Variants in YEATS2 observed in about 807,000 individuals in gnomAD.
YEATS2 encodes the protein YEATS domain containing 2, also known as YEATS domain-containing protein 2.
In YEATS2, 77 loss-of-function variants were observed where a neutral mutation model predicts 163.2. That is an observed-to-expected ratio of 0.47 (90% CI 0.39 to 0.57). YEATS2 has a LOEUF of 0.57. YEATS2 is among the 20% of genes least tolerant of loss of function. YEATS2 has a pLI of 0.00. For missense variants in YEATS2, 1,549 were observed against 1,729.8 expected (o/e 0.90, Z 1.85); for synonymous variants, 631 against 645.1 (o/e 0.98, Z 0.33).
chr3:183,777,435 C>A, intron 18 of YEATS2, 107 bp from the exon 19 acceptor site: 3 of 1,184,062 alleles, frequency 2.5e-6, no homozygotes, highest in Non-Finnish European at 3.6e-6. Context: ...AAGGGGAGAG[C>A]GTTGTAGCTT....
At chr3:183,712,093 C>T (rs1455025751) in intron 1 of YEATS2, among the ~76,000 whole-genome samples, 2 of 151,794 alleles carry the variant, frequency 1.3e-5, no homozygotes, top group Admixed American at 1.3e-4. Flanking sequence ...GCTGGGATTA[C>T]AGGCATGAGC....
At chr3:183,723,113 G>A (rs892073242) in intron 5 of YEATS2, among the ~76,000 whole-genome samples, 3 of 152,178 alleles carry the variant, frequency 2.0e-5, no homozygotes, top group Non-Finnish European at 4.4e-5. Flanking sequence ...GAGAGCAGCC[G>A]TTCTTCAACG....
chr3:183,779,351 T>C (rs1723330120), intron 19 of YEATS2, among the ~76,000 whole-genome samples: 1 of 152,258 alleles, frequency 6.6e-6, no homozygotes, highest in African/African-American at 2.4e-5. Flanking sequence ...TCCTTACCCA[T>C]GTTAAACAGA....
At chr3:183,773,827 T>G (rs1722713320) in intron 17 of YEATS2, 33 bp downstream of exon 17, 4 of 1,580,920 alleles carry the variant, frequency 2.5e-6, no homozygotes, top group Non-Finnish European at 3.4e-6. Flanking sequence ...ATCATTTGGT[T>G]CTTGGTTCTC....
At chr3:183,768,019 T>C (rs916661608) in intron 15 of YEATS2, among the ~76,000 whole-genome samples, 2 of 152,242 alleles carry the variant, frequency 1.3e-5, no homozygotes, top group Non-Finnish European at 2.9e-5. Flanking sequence ...TTCTGTGTAA[T>C]TTAACTTGTG....
intron 21 of YEATS2, chr3:183,793,422 T>C: frequency 9.9e-7 from 1 of 1,014,252 alleles, no homozygotes. Flanking sequence ...CTAACTGTTT[T>C]ATTTGAGGCC....
chr3:183,760,406 C>T (rs1343964497), intron 13 of YEATS2, among the ~76,000 whole-genome samples: 1 of 148,140 alleles, frequency 6.8e-6, no homozygotes, highest in African/African-American at 2.5e-5. Flanking sequence ...ACTGCAACCT[C>T]CTGCCTCCTG....
intron 9 of YEATS2, among the ~76,000 whole-genome samples, chr3:183,750,962 G>A (rs927905984): frequency 7.9e-5 from 12 of 152,070 alleles, no homozygotes; most frequent in Admixed American, 4.6e-4. Flanking sequence ...TTGATGTCCC[G>A]TTTGTCTATT....
intron 5 of YEATS2, 123 bp downstream of exon 5, chr3:183,722,259 T>A (rs1204380533): frequency 9.4e-7 from 1 of 1,062,320 alleles, no homozygotes; most frequent in African/African-American, 1.8e-5. Context: ...GTTTTCCTTT[T>A]ATAATGGGGA....
intron 25 of YEATS2, chr3:183,802,544 C>CGTGTATATATATACACGTGTATATATAT (rs1490308816): frequency 5.7e-5 from 3 of 52,612 alleles, no homozygotes; most frequent in African/African-American, 2.0e-4. Flanking sequence ...TGTATATACA[C>CGTGTATATATATACACGTGTATATATAT]ACACACATAT....
chr3:183,788,981 CT>C (rs766326439), intron 20 of YEATS2, among the ~76,000 whole-genome samples: 5 of 152,116 alleles, frequency 3.3e-5, no homozygotes, highest in Non-Finnish European at 7.3e-5. Flanking sequence ...GATTGTTTGG[CT>C]TTTTTCTATA....
At chr3:183,762,562 C>A (rs939599453) in intron 15 of YEATS2, among the ~76,000 whole-genome samples, 2 of 152,188 alleles carry the variant, frequency 1.3e-5, no homozygotes, top group South Asian at 4.1e-4. Flanking sequence ...GACTCATGGG[C>A]ACAGCTTTCT....
intron 21 of YEATS2, among the ~76,000 whole-genome samples, chr3:183,796,321 A>G (rs547494595): frequency 6.6e-6 from 1 of 151,916 alleles, no homozygotes; most frequent in East Asian, 1.9e-4. Flanking sequence ...ATTTCTTAAA[A>G]TGTGTTTGTA....
intron 8 of YEATS2, among the ~76,000 whole-genome samples, chr3:183,746,657 C>CTTT (rs560422111): frequency 6.4e-5 from 9 of 141,324 alleles, no homozygotes; most frequent in Middle Eastern, 3.6e-3. Context: ...CTAAAATTAC[C>CTTT]TTTTTTTTTT....
At chr3:183,715,407 A>AT in intron 2 of YEATS2, 145 bp downstream of exon 2, 1 of 624,478 alleles carries the variant, frequency 1.6e-6, no homozygotes, top group South Asian at 2.1e-5. Flanking sequence ...GATCTGTTTA[A>AT]TAGTAATACA....
intron 7 of YEATS2, among the ~76,000 whole-genome samples, chr3:183,730,296 C>T (rs1246112033): frequency 6.6e-6 from 1 of 151,862 alleles, no homozygotes; most frequent in Non-Finnish European, 1.5e-5. Flanking sequence ...AACTCCTGAG[C>T]TCAAGCCCCC....
chr3:183,809,485 C>T (rs1287042876), intron 30 of YEATS2: 5 of 217,340 alleles, frequency 2.3e-5, no homozygotes, highest in Admixed American at 5.6e-5. Context: ...CATTACATGT[C>T]AGACACGAGG....
chr3:183,783,912 T>C (rs1723812479), intron 19 of YEATS2, among the ~76,000 whole-genome samples: 1 of 152,174 alleles, frequency 6.6e-6, no homozygotes, highest in Non-Finnish European at 1.5e-5. Context: ...CTGAGTCAGA[T>C]GGTAGTTCCG....
At chr3:183,704,997 A>C (rs1009833673) in intron 1 of YEATS2, among the ~76,000 whole-genome samples, 1 of 151,984 alleles carries the variant, frequency 6.6e-6, no homozygotes, top group Non-Finnish European at 1.5e-5. Flanking sequence ...TGTATTTGTT[A>C]ATTCTGGCTT....
Sources: allele counts gnomAD v4.1 joint callset (sites outside exome capture counted in the v4.1 genomes callset), GRCh38; gene constraint gnomAD v4.1.1; transcripts MANE v1.5; gene names NCBI Gene and HGNC (gene_info 2026-07-23, HGNC 2026-07-21).